The following FHOD3 variants were observed in gnomAD, a reference collection of about 807,000 sequenced individuals.
The protein encoded by FHOD3 is formin homology 2 domain containing 3.
FHOD3 carries 90 observed loss-of-function variants against 173.0 expected under a neutral mutation model. The ratio of observed to expected loss-of-function variants is 0.52; its 90% confidence interval spans 0.44 to 0.62. The LOEUF (loss-of-function observed/expected upper bound fraction) is 0.62. FHOD3 is among the 20% of genes least tolerant of loss of function. The probability of loss-of-function intolerance (pLI) is 0.00; values close to 1 mark genes in which losing one functional copy is unlikely to be tolerated. For missense variants in FHOD3, 1,945 were observed against 2,034.7 expected (o/e 0.96, Z 0.85); for synonymous variants, 828 against 823.0 (o/e 1.01, Z -0.10).
chr18:36,534,021 C>T (rs1209747120), intron 5 of FHOD3, among the ~76,000 whole-genome samples: 1 of 152,168 alleles, frequency 6.6e-6, no homozygotes, highest in Non-Finnish European at 1.5e-5. Context: ...GCTCACCGCC[C>T]TTAGAGTGGT....
At chr18:36,375,789 T>C (rs1176803949) in intron 3 of FHOD3, among the ~76,000 whole-genome samples, 3 of 152,224 alleles carry the variant, frequency 2.0e-5, no homozygotes, top group Non-Finnish European at 4.4e-5. Flanking sequence ...CTGAAGCATT[T>C]GGCCGGAGGT....
At chr18:36,627,274 C>T (rs953186285) in intron 10 of FHOD3, among the ~76,000 whole-genome samples, 6 of 152,148 alleles carry the variant, frequency 3.9e-5, no homozygotes, top group East Asian at 1.9e-4. Context: ...ATAAAGCCAC[C>T]GAAGATGCTG....
intron 3 of FHOD3, among the ~76,000 whole-genome samples, chr18:36,458,581 G>T (rs2052360778): frequency 6.6e-6 from 1 of 151,678 alleles, no homozygotes; most frequent in Admixed American, 6.6e-5. Context: ...TTGGCCTGTG[G>T]ATCTTCTGCT....
chr18:36,678,819 A>G (rs1293799475), intron 14 of FHOD3, among the ~76,000 whole-genome samples: 2 of 152,182 alleles, frequency 1.3e-5, no homozygotes, highest in African/African-American at 4.8e-5. Context: ...GGCAAACCCA[A>G]TGTGATTTTG....
At chr18:36,512,296 G>C in intron 4 of FHOD3, 142 bp from the exon 5 acceptor site, 1 of 661,936 alleles carries the variant, frequency 1.5e-6, no homozygotes, top group Non-Finnish European at 2.7e-6. Flanking sequence ...GGCAACAGTT[G>C]ATATGCTTCA....
intron 5 of FHOD3, among the ~76,000 whole-genome samples, chr18:36,545,349 C>A (rs2057373048): frequency 6.6e-6 from 1 of 152,178 alleles, no homozygotes. Flanking sequence ...AGGTGTGAGG[C>A]TTCTAGAGGG....
intron 1 of FHOD3, among the ~76,000 whole-genome samples, chr18:36,309,571 C>A (rs184520083): frequency 1.3e-5 from 2 of 152,184 alleles, no homozygotes; most frequent in Non-Finnish European, 1.5e-5. Flanking sequence ...GGCTCCTGAC[C>A]GCAGCTTCTG....
intron 3 of FHOD3, among the ~76,000 whole-genome samples, chr18:36,406,369 TA>T (rs1245423931): frequency 1.3e-5 from 2 of 152,232 alleles, no homozygotes; most frequent in African/African-American, 4.8e-5. Flanking sequence ...TTTTGAGAGC[TA>T]GATTTTATAC....
intron 3 of FHOD3, among the ~76,000 whole-genome samples, chr18:36,476,565 G>T (rs1039727912): frequency 6.6e-6 from 1 of 152,186 alleles, no homozygotes; most frequent in Non-Finnish European, 1.5e-5. Context: ...GGAAAGGGCC[G>T]TAGGATACTC....
chr18:36,396,453 C>T (rs1345372110), intron 3 of FHOD3, among the ~76,000 whole-genome samples: 1 of 152,068 alleles, frequency 6.6e-6, no homozygotes, highest in Non-Finnish European at 1.5e-5. Flanking sequence ...AAAATGTCCC[C>T]CTTTAACTTT....
intron 5 of FHOD3, among the ~76,000 whole-genome samples, chr18:36,517,271 G>A (rs912066971): frequency 6.6e-6 from 1 of 152,122 alleles, no homozygotes; most frequent in African/African-American, 2.4e-5. Flanking sequence ...ATAGAAGGAG[G>A]ACCTAGAGTG....
At chr18:36,308,929 C>A (rs142022232) in intron 1 of FHOD3, among the ~76,000 whole-genome samples, 2 of 152,306 alleles carry the variant, frequency 1.3e-5, no homozygotes, top group African/African-American at 4.8e-5. Context: ...ACTCCTCCCC[C>A]ACACTGTAGG....
intron 5 of FHOD3, among the ~76,000 whole-genome samples, chr18:36,536,467 T>C (rs2056996648): frequency 1.3e-5 from 2 of 152,242 alleles, no homozygotes; most frequent in South Asian, 4.1e-4. Flanking sequence ...AGGAATCCTG[T>C]AGTTGGCTGT....
chr18:36,570,215 C>T (rs969262323), intron 5 of FHOD3, among the ~76,000 whole-genome samples: 1 of 151,948 alleles, frequency 6.6e-6, no homozygotes, highest in Non-Finnish European at 1.5e-5. Context: ...GATTAAACTT[C>T]ACTTCAATGA....
intron 3 of FHOD3, among the ~76,000 whole-genome samples, chr18:36,480,897 G>T (rs548537089): frequency 1.3e-5 from 2 of 151,908 alleles, no homozygotes; most frequent in East Asian, 1.9e-4. Flanking sequence ...TTTTTCCCTT[G>T]CCTTGAGCAC....
chr18:36,485,844 G>T (rs2054165220), intron 3 of FHOD3, among the ~76,000 whole-genome samples: 1 of 152,176 alleles, frequency 6.6e-6, no homozygotes, highest in Non-Finnish European at 1.5e-5. Context: ...GGACCACAAA[G>T]GTTCCCAGCA....
intron 1 of FHOD3, among the ~76,000 whole-genome samples, chr18:36,338,908 CA>C (rs928600647): frequency 6.6e-6 from 1 of 152,074 alleles, no homozygotes; most frequent in Non-Finnish European, 1.5e-5. Context: ...ATAAATGTGA[CA>C]AAGTAGGAAG....
At chr18:36,748,382 A>C (rs866194037) in intron 24 of FHOD3, among the ~76,000 whole-genome samples, 107 of 143,568 alleles carry the variant, frequency 7.5e-4, no homozygotes, top group Admixed American at 2.8e-3. Flanking sequence ...ACACACACAC[A>C]ACACACACAC....
Position 36,717,822 on chromosome 18 carries a change from G to A in FHOD3, c.2534-10G>A, listed in dbSNP as rs1568661624. On this transcript the variant is annotated splice_polypyrimidine_tract_variant and intron_variant, in intron 18 of 28. Coordinates refer to ENST00000590592, the MANE Select transcript of FHOD3 (RefSeq NM_001281740.3). Reference sequence around the variant, plus strand: ...CCCCTTTCTCATTTTTCTCTCCCATGTACTTTCAGGTTTGTGGCCCGCAGG... The same window carrying A: ...CCCCTTTCTCATTTTTCTCTCCCATATACTTTCAGGTTTGTGGCCCGCAGG... 2.6e-6 allele frequency: 4 copies of A among 1,551,306 alleles called. No individual in the cohort carries two copies. Among genetic ancestry groups the A allele is most frequent in the East Asian group, 4.5e-5 (2 of 44,198 alleles).
Sources: allele counts gnomAD v4.1 joint callset (sites outside exome capture counted in the v4.1 genomes callset), GRCh38; gene constraint gnomAD v4.1.1; transcripts MANE v1.5; gene names NCBI Gene and HGNC (gene_info 2026-07-23, HGNC 2026-07-21).